Variants in PHKB observed in about 807,000 individuals in gnomAD.
PHKB encodes phosphorylase b kinase regulatory subunit beta.
In PHKB, 122 loss-of-function variants were observed where a neutral mutation model predicts 152.1. That is an observed-to-expected ratio of 0.80 (90% CI 0.69 to 0.93). PHKB has a LOEUF of 0.93. Among genes scored for constraint, PHKB ranks in the 40% least tolerant of loss-of-function variants. The probability of loss-of-function intolerance (pLI) is 0.00; values close to 1 mark genes in which losing one functional copy is unlikely to be tolerated. For synonymous variants in PHKB, 436 were observed against 464.9 expected (o/e 0.94, Z 0.80); for missense variants, 1,304 against 1,328.4 (o/e 0.98, Z 0.29).
At chr16:47,685,617 A>T (rs1178263145) in intron 26 of PHKB, among the ~76,000 whole-genome samples, 1 of 152,134 alleles carries the variant, frequency 6.6e-6, no homozygotes, top group Non-Finnish European at 1.5e-5. Context: ...TAGATTTCTG[A>T]CTGCTATTAA....
chr16:47,637,968 C>T (rs1279117697), intron 14 of PHKB, among the ~76,000 whole-genome samples: 1 of 152,036 alleles, frequency 6.6e-6, no homozygotes, highest in African/African-American at 2.4e-5. Flanking sequence ...GGTGCAGGGC[C>T]TCTTTTATAA....
intron 15 of PHKB, 33 bp from the exon 16 acceptor site, chr16:47,641,566 T>TA: frequency 9.0e-7 from 1 of 1,108,436 alleles, no homozygotes; most frequent in Non-Finnish European, 1.4e-6. Context: ...TGCATTGTCT[T>TA]AAAACGTCTC....
intron 7 of PHKB, chr16:47,566,955 C>T (rs1434592428): frequency 3.8e-6 from 2 of 528,960 alleles, no homozygotes; most frequent in African/African-American, 1.9e-5. Flanking sequence ...TTGGGAGAGG[C>T]TTTGTGTGTC....
chr16:47,672,155 A>G (rs1033083312), intron 26 of PHKB, among the ~76,000 whole-genome samples: 2 of 152,142 alleles, frequency 1.3e-5, no homozygotes, highest in East Asian at 1.9e-4. Context: ...ATTTCAGTCA[A>G]ATTTCCTTAT....
intron 14 of PHKB, among the ~76,000 whole-genome samples, chr16:47,636,104 A>C (rs936877311): frequency 6.6e-6 from 1 of 152,220 alleles, no homozygotes; most frequent in Admixed American, 6.5e-5. Flanking sequence ...TTAAAGGATA[A>C]GAACCTGTTT....
intron 14 of PHKB, among the ~76,000 whole-genome samples, chr16:47,616,785 G>A (rs1972527023): frequency 1.3e-5 from 2 of 151,732 alleles, no homozygotes; most frequent in Admixed American, 1.3e-4. Context: ...TGTGGAGTGG[G>A]AAATCAGGGA....
intron 8 of PHKB, among the ~76,000 whole-genome samples, chr16:47,581,993 A>G (rs1597101615): frequency 6.6e-6 from 1 of 152,182 alleles, no homozygotes; most frequent in Admixed American, 6.5e-5. Context: ...TCTTGTTGCT[A>G]TTATTTATGA....
At chr16:47,684,081 C>A (rs1168306783) in intron 26 of PHKB, among the ~76,000 whole-genome samples, 1 of 150,350 alleles carries the variant, frequency 6.7e-6, no homozygotes, top group African/African-American at 2.5e-5. Flanking sequence ...TACTTGTAAT[C>A]CCAGCACTTT....
At chr16:47,682,443 T>C (rs956602811) in intron 26 of PHKB, among the ~76,000 whole-genome samples, 1 of 152,352 alleles carries the variant, frequency 6.6e-6, no homozygotes, top group East Asian at 1.9e-4. Flanking sequence ...CCCATATTTC[T>C]TGGAGGCTTT....
chr16:47,648,688 C>G (rs1301616626), intron 17 of PHKB, 72 bp downstream of exon 17: 3 of 910,440 alleles, frequency 3.3e-6, no homozygotes, highest in African/African-American at 1.6e-5. Context: ...GCTTGACCTG[C>G]TATGCATCCT....
chr16:47,582,540 T>C (rs753240821), intron 8 of PHKB, among the ~76,000 whole-genome samples: 2 of 152,190 alleles, frequency 1.3e-5, no homozygotes, highest in Non-Finnish European at 2.9e-5. Context: ...TTAAAAAAAA[T>C]ACTCATATAT....
At chr16:47,539,284 T>C (rs1597066685) in intron 6 of PHKB, among the ~76,000 whole-genome samples, 1 of 152,098 alleles carries the variant, frequency 6.6e-6, no homozygotes, top group South Asian at 2.1e-4. Flanking sequence ...AGGAGGAAGA[T>C]TGGATTTCAG....
intron 26 of PHKB, among the ~76,000 whole-genome samples, chr16:47,672,653 G>T (rs1026647802): frequency 6.6e-6 from 1 of 152,094 alleles, no homozygotes; most frequent in Non-Finnish European, 1.5e-5. Context: ...TCAGTCTATA[G>T]TAGTTTTTCC....
chr16:47,664,808 CTG>C, intron 24 of PHKB, 75 bp from the exon 25 acceptor site: 1 of 854,786 alleles, frequency 1.2e-6, no homozygotes, highest in Admixed American at 1.9e-5. Context: ...AGAATGCTGA[CTG>C]TTATGTTTGG....
chr16:47,698,853 T>C (rs2142113513), intron 30 of PHKB, among the ~76,000 whole-genome samples: 1 of 152,224 alleles, frequency 6.6e-6, no homozygotes, highest in South Asian at 2.1e-4. Flanking sequence ...AAAAATGTTT[T>C]ATCAGAGAGG....
intron 13 of PHKB, among the ~76,000 whole-genome samples, chr16:47,597,361 A>G (rs1972139023): frequency 6.6e-6 from 1 of 152,204 alleles, no homozygotes; most frequent in Non-Finnish European, 1.5e-5. Flanking sequence ...TTAAAAAAAT[A>G]TTCCATTAGG....
At chr16:47,636,470 C>G (rs2151723897) in intron 14 of PHKB, among the ~76,000 whole-genome samples, 1 of 152,318 alleles carries the variant, frequency 6.6e-6, no homozygotes, top group Non-Finnish European at 1.5e-5. Context: ...GCTCCAGACC[C>G]AGGCATCACT....
intron 13 of PHKB, among the ~76,000 whole-genome samples, chr16:47,607,431 G>A (rs935160262): frequency 4.6e-5 from 7 of 152,234 alleles, no homozygotes; most frequent in African/African-American, 1.7e-4. Context: ...ACTCGAAACT[G>A]ATAATGGACC....
chr16:47,574,634 G>A (rs1971719228), intron 7 of PHKB, among the ~76,000 whole-genome samples: 2 of 152,302 alleles, frequency 1.3e-5, no homozygotes, highest in South Asian at 2.1e-4. Context: ...AGTGGAACTG[G>A]AGTATAGAAA....
Sources: gnomAD v4.1 joint callset for allele counts (sites outside exome capture counted in the v4.1 genomes callset) on GRCh38, gnomAD v4.1.1 for gene constraint, MANE v1.5 for transcripts, NCBI Gene and HGNC (gene_info 2026-07-23, HGNC 2026-07-21) for gene names.